Variants in TNR observed in about 807,000 individuals in gnomAD.
TNR encodes tenascin-R.
Under a neutral mutation model 150.4 loss-of-function variants are expected in TNR, and 45 were observed. That is an observed-to-expected ratio of 0.30 (90% CI 0.24 to 0.38). The LOEUF is 0.38. Among genes scored for constraint, TNR ranks in the 10% least tolerant of loss-of-function variants. The probability of loss-of-function intolerance (pLI) is 1.00; values close to 1 mark genes in which losing one functional copy is unlikely to be tolerated. For synonymous variants in TNR, 687 were observed against 678.4 expected (o/e 1.01, Z -0.20); for missense variants, 1,544 against 1,759.1 (o/e 0.88, Z 2.19).
intron 4 of TNR, among the ~76,000 whole-genome samples, chr1:175,402,605 T>A (rs1653766043): frequency 6.6e-6 from 1 of 152,212 alleles, no homozygotes; most frequent in East Asian, 1.9e-4. Flanking sequence ...TCTGCCCCAC[T>A]GGAATCACTT....
chr1:175,729,320 G>A (rs1002597694), intron 1 of TNR, among the ~76,000 whole-genome samples: 20 of 152,242 alleles, frequency 1.3e-4, no homozygotes, highest in African/African-American at 4.3e-4. Context: ...CCTCTTTCCA[G>A]AAGAGAAGGG....
At chr1:175,606,383 A>C (rs900772765) in intron 1 of TNR, among the ~76,000 whole-genome samples, 2 of 152,234 alleles carry the variant, frequency 1.3e-5, no homozygotes, top group African/African-American at 4.8e-5. Context: ...AATATGATCG[A>C]CTGAGTTGGC....
At chr1:175,368,653 G>C (rs2102016437) in intron 9 of TNR, among the ~76,000 whole-genome samples, 1 of 152,256 alleles carries the variant, frequency 6.6e-6, no homozygotes, top group East Asian at 1.9e-4. Flanking sequence ...TGGGGTTGTA[G>C]AAAAACCCAA....
chr1:175,402,020 G>C lies in TNR; in HGVS notation c.976+1120C>G, dbSNP rs1653722623. 2.0e-5 allele frequency among the ~76,000 whole-genome samples: 3 copies of C among 152,274 alleles called. No individual in the cohort carries two copies. In the South Asian group the frequency reaches 6.2e-4, roughly 32 times the overall value. ...CATAATCTGATTTGCATAAAAAAGG[G>C]AATCAGGCCGGGCGCGGTGGCTCAC... On this transcript the variant is annotated intron_variant, in intron 4 of 22. Transcript: ENST00000367674.
chr1:175,654,719 CTTTTT>C (rs36087120), intron 1 of TNR, among the ~76,000 whole-genome samples: 1 of 74,742 alleles, frequency 1.3e-5, no homozygotes, highest in East Asian at 3.8e-4. Context: ...AAGTTCCCTT[CTTTTT>C]TTTTTTTTTT....
intron 3 of TNR, among the ~76,000 whole-genome samples, chr1:175,405,590 C>A (rs562828572): frequency 1.4e-5 from 2 of 147,360 alleles, no homozygotes; most frequent in African/African-American, 2.5e-5. Flanking sequence ...TGTGTGCATG[C>A]GTGAGAGAGA....
chr1:175,500,804 G>A (rs546611106), intron 2 of TNR, among the ~76,000 whole-genome samples: 118 of 152,334 alleles, frequency 7.7e-4, no homozygotes, highest in Admixed American at 1.6e-3. Flanking sequence ...GCAGGAGGAC[G>A]CTTAGACCTT....
In TNR at chr1:175,367,793, GA is replaced by G. The variant is rs35164178; in HGVS notation, c.1964-497del. On this transcript the variant is annotated intron_variant, in intron 9 of 22. Transcript: ENST00000367674. Reference sequence around the variant, plus strand: ...TGGGGACTCCTGGGTCCCTTCTAGGGAGGAACAGTGGATGGACTTTTTTTTC... The same window carrying G: ...TGGGGACTCCTGGGTCCCTTCTAGGGGGAACAGTGGATGGACTTTTTTTTC... 2.7e-3 allele frequency among the ~76,000 whole-genome samples: 418 copies of G among 152,322 alleles called. 1 individual carries two copies. Among genetic ancestry groups the G allele is most frequent in the Middle Eastern group, 6.8e-3 (2 of 294 alleles).
In TNR at chr1:175,319,831, C is replaced by T. The variant is rs1648949958; in HGVS notation, c.*3526G>A. ...GGAGGTGACTGCCACCTTGTGGCCA[C>T]ACTTAGCAAGTCCCCTTCCACCAGT... On this transcript the variant is annotated 3_prime_UTR_variant, in exon 23 of 23. Transcript: ENST00000367674. The T allele has an allele frequency of 6.6e-6, 1 of 152,234 alleles. No individual in the cohort carries two copies. Among genetic ancestry groups the T allele is most frequent in the Non-Finnish European group, 1.5e-5 (1 of 68,042 alleles). 9.4% of individuals were successfully genotyped at this position (152,234 alleles called of 1,614,324 possible). A position where few individuals can be genotyped will look rare whatever the true frequency, so the allele number is the denominator to read the frequency against.
At chr1:175,519,010 C>A (rs556215484) in intron 2 of TNR, among the ~76,000 whole-genome samples, 1 of 152,334 alleles carries the variant, frequency 6.6e-6, no homozygotes, top group Non-Finnish European at 1.5e-5. Flanking sequence ...GAATTCCCTT[C>A]TTTTCTTCCA....
intron 1 of TNR, among the ~76,000 whole-genome samples, chr1:175,625,660 C>T (rs1356379997): frequency 6.6e-6 from 1 of 152,228 alleles, no homozygotes; most frequent in Non-Finnish European, 1.5e-5. Context: ...AAGGGCTCCC[C>T]ACTACTTCCA....
chr1:175,354,164 T>C (rs1347433886), intron 18 of TNR, among the ~76,000 whole-genome samples: 1 of 152,170 alleles, frequency 6.6e-6, no homozygotes, highest in African/African-American at 2.4e-5. Context: ...TGTCTTTACT[T>C]GGTGCATTTA....
intron 6 of TNR, among the ~76,000 whole-genome samples, chr1:175,392,476 T>G (rs941458228): frequency 2.6e-5 from 4 of 152,162 alleles, no homozygotes; most frequent in African/African-American, 9.6e-5. Context: ...TTAATTAGAG[T>G]TTTACATATT....
At chr1:175,605,105 A>G (rs557298796) in intron 1 of TNR, among the ~76,000 whole-genome samples, 43 of 152,348 alleles carry the variant, frequency 2.8e-4, no homozygotes, top group African/African-American at 9.6e-4. Flanking sequence ...ATGATGACTC[A>G]TTCTCACATC....
chr1:175,731,647 G>A (rs1667644474), intron 1 of TNR, among the ~76,000 whole-genome samples: 1 of 152,136 alleles, frequency 6.6e-6, no homozygotes, highest in South Asian at 2.1e-4. Flanking sequence ...GGCACGGCGG[G>A]CAGAGCCAAG....
intron 1 of TNR, among the ~76,000 whole-genome samples, chr1:175,711,858 G>A (rs1330661557): frequency 6.6e-6 from 1 of 152,314 alleles, no homozygotes; most frequent in Non-Finnish European, 1.5e-5. Context: ...GTTGTGGGCA[G>A]GGCATGTTTG....
intron 1 of TNR, among the ~76,000 whole-genome samples, chr1:175,666,397 C>A (rs1232644771): frequency 6.6e-6 from 1 of 152,160 alleles, no homozygotes; most frequent in Non-Finnish European, 1.5e-5. Flanking sequence ...TCTTAGAACC[C>A]CAGTCTCCAA....
In TNR at chr1:175,426,740, G is replaced by A. The variant is rs147497632; in HGVS notation, c.-63-19963C>T. On this transcript the variant is annotated intron_variant, in intron 2 of 22. Coordinates refer to ENST00000367674, the MANE Select transcript of TNR (RefSeq NM_003285.3). ...CATCTGTAATTATTGTCTAATGTGTGTTTATATCTATACACGCGTGTGTGT... is the reference window on the plus strand; with the variant it reads ...CATCTGTAATTATTGTCTAATGTGTATTTATATCTATACACGCGTGTGTGT... 2.8e-3 allele frequency among the ~76,000 whole-genome samples: 403 copies of A among 145,158 alleles called. 2 individuals are homozygous for A. The highest frequency in any genetic ancestry group is 4.1e-3 in the Non-Finnish European group (274 of 66,048).
intron 2 of TNR, among the ~76,000 whole-genome samples, chr1:175,409,359 CA>C (rs1320979398): frequency 1.3e-5 from 2 of 152,090 alleles, no homozygotes; most frequent in African/African-American, 4.8e-5. Context: ...GAATAAATGA[CA>C]TTATCAACGA....
Sources: gnomAD v4.1 joint callset for allele counts (sites outside exome capture counted in the v4.1 genomes callset) on GRCh38, gnomAD v4.1.1 for gene constraint, MANE v1.5 for transcripts, NCBI Gene and HGNC (gene_info 2026-07-23, HGNC 2026-07-21) for gene names.